CYRIB: variants seen among roughly 807,000 people sequenced by gnomAD.
CYRIB encodes CYFIP-related Rac1 interactor B.
Under a neutral mutation model 44.2 loss-of-function variants are expected in CYRIB, and 8 were observed. That is an observed-to-expected ratio of 0.18 (90% confidence interval 0.11 to 0.33). CYRIB has a LOEUF of 0.33. CYRIB is among the 10% of genes least tolerant of loss of function. The probability of loss-of-function intolerance (pLI) is 1.00; values close to 1 mark genes in which losing one functional copy is unlikely to be tolerated. For synonymous variants in CYRIB, 131 were observed against 127.2 expected (o/e 1.03, Z -0.20); for missense variants, 185 against 382.8 (o/e 0.48, Z 4.31).
intron 1 of CYRIB, among the ~76,000 whole-genome samples, chr8:129,907,404 C>T (rs1179732939): frequency 6.6e-6 from 1 of 151,558 alleles, no homozygotes; most frequent in African/African-American, 2.4e-5. Flanking sequence ...AATGACAACA[C>T]TTGGACACAG....
intron 1 of CYRIB, among the ~76,000 whole-genome samples, chr8:130,008,967 C>A (rs2134324583): frequency 6.6e-6 from 1 of 152,352 alleles, no homozygotes; most frequent in Non-Finnish European, 1.5e-5. Context: ...AGCACTGAGG[C>A]TCTGTAGACC....
At position 129,981,001 on chromosome 8, in the gene CYRIB, C is replaced by T. The variant is rs1236053497; in HGVS notation, c.-295-10006G>A. Among the ~76,000 whole-genome samples the T allele has an allele frequency of 1.3e-5, 2 of 151,544 alleles. 1 individual carries two copies. Among genetic ancestry groups the T allele is most frequent in the South Asian group, 4.2e-4 (2 of 4,798 alleles). The stretch of plus-strand genomic sequence containing the variant: ...ACTATCTCAAAAAAAAAAACACACA[C>T]ACTCACAAGACAAACAACAAAACAA... On this transcript the variant is annotated intron_variant, in intron 1 of 14. Transcript: ENST00000401979.
At chr8:130,007,424 C>A (rs1420737895) in intron 1 of CYRIB, among the ~76,000 whole-genome samples, 1 of 152,244 alleles carries the variant, frequency 6.6e-6, no homozygotes, top group Admixed American at 6.5e-5. Flanking sequence ...GTTTCCTCAT[C>A]TGTAAAACGG....
At chr8:129,877,003 T>C (rs191817993) in intron 3 of CYRIB, among the ~76,000 whole-genome samples, 15 of 152,310 alleles carry the variant, frequency 9.8e-5, no homozygotes. Context: ...ACCCATCTGA[T>C]AGGCCAAGGT....
intron 2 of CYRIB, among the ~76,000 whole-genome samples, chr8:129,887,574 A>G (rs955015733): frequency 3.3e-5 from 5 of 152,172 alleles, no homozygotes; most frequent in Admixed American, 2.6e-4. Flanking sequence ...AACAGCTTGC[A>G]CCATGCACCT....
chr8:129,869,719 C>T (rs1170971236), intron 4 of CYRIB, among the ~76,000 whole-genome samples: 3 of 152,120 alleles, frequency 2.0e-5, no homozygotes, highest in African/African-American at 7.2e-5. Flanking sequence ...ATGCCAAGAC[C>T]AAAGCCCTTG....
At chr8:129,983,472 T>C (rs1355128126) in intron 1 of CYRIB, among the ~76,000 whole-genome samples, 1 of 151,838 alleles carries the variant, frequency 6.6e-6, no homozygotes, top group Non-Finnish European at 1.5e-5. Context: ...AATATATATA[T>C]ATGTATAAAA....
Position 129,879,382 on chromosome 8 carries a change from T to A in CYRIB, c.73+7A>T. ...AAAGAGAAATAGATATAAAATCATC[T>A]TCTCACTTTCAAAATCAAGGAAAAA... is the stretch of plus-strand genomic sequence containing the variant. On this transcript the variant is annotated splice_region_variant and intron_variant, in intron 3 of 11. Coordinates refer to ENST00000519824, the Ensembl canonical transcript of CYRIB. 1.3e-6 allele frequency: 2 copies of A among 1,595,648 alleles called. No individual in the cohort carries two copies. The highest frequency in any genetic ancestry group is 1.3e-5 in the African/African-American group (1 of 74,484).
At chr8:129,903,217 T>A (rs2073263481) in intron 2 of CYRIB, 95 bp downstream of exon 4, 1 of 152,574 alleles carries the variant, frequency 6.6e-6, no homozygotes, top group South Asian at 2.1e-4. Flanking sequence ...TATAGAACAT[T>A]TCCCTTAAAT....
chr8:129,842,285 G>T, intron 11 of CYRIB, 80 bp from the exon 14 acceptor site: 11 of 1,007,514 alleles, frequency 1.1e-5, no homozygotes. Flanking sequence ...ATGACAGGAT[G>T]GAGAATTGGT....
chr8:129,882,764 C>T (rs2061258043), intron 2 of CYRIB, among the ~76,000 whole-genome samples: 1 of 152,122 alleles, frequency 6.6e-6, no homozygotes, highest in African/African-American at 2.4e-5. Flanking sequence ...TCTTTCCAGG[C>T]ACCCGAGGCT....
chr8:129,954,861 T>A (rs570088537), intron 2 of CYRIB, among the ~76,000 whole-genome samples: 4 of 152,342 alleles, frequency 2.6e-5, no homozygotes, highest in African/African-American at 9.6e-5. Context: ...TCTGGTGTGA[T>A]CTTTCAGGGT....
At chr8:129,975,562 C>T (rs2095880889) in intron 1 of CYRIB, among the ~76,000 whole-genome samples, 1 of 152,164 alleles carries the variant, frequency 6.6e-6, no homozygotes, top group Admixed American at 6.5e-5. Flanking sequence ...CTGATAAACG[C>T]CACGGAGCAA....
intron 2 of CYRIB, among the ~76,000 whole-genome samples, chr8:129,970,087 G>A (rs965680624): frequency 6.6e-6 from 1 of 152,222 alleles, no homozygotes; most frequent in African/African-American, 2.4e-5. Flanking sequence ...GATTTGGGTG[G>A]TGATTAGATG....
intron 1 of CYRIB, among the ~76,000 whole-genome samples, chr8:129,915,397 A>T (rs2080202558): frequency 6.6e-6 from 1 of 152,230 alleles, no homozygotes; most frequent in South Asian, 2.1e-4. Context: ...AAGAATATAT[A>T]TTGTATGAGT....
chr8:129,902,977 C>CAT (rs2073120461), intron 2 of CYRIB: 1 of 152,154 alleles, frequency 6.6e-6, no homozygotes. Flanking sequence ...TATATATGTA[C>CAT]ATATATATAC....
upstream of CYRIB, among the ~76,000 whole-genome samples, chr8:129,940,126 C>G (rs1184784934): frequency 1.3e-5 from 2 of 152,196 alleles, no homozygotes; most frequent in Non-Finnish European, 2.9e-5. Context: ...TCCAGCCTTC[C>G]AGATGTACAG....
upstream of CYRIB, among the ~76,000 whole-genome samples, chr8:129,940,831 T>A (rs2093634018): frequency 6.6e-6 from 1 of 152,164 alleles, no homozygotes; most frequent in Non-Finnish European, 1.5e-5. Context: ...CAGTATGGAC[T>A]TTTCCCCCCG....
At chr8:129,899,007 G>A (rs984015227) in intron 2 of CYRIB, among the ~76,000 whole-genome samples, 1 of 152,042 alleles carries the variant, frequency 6.6e-6, no homozygotes, top group Non-Finnish European at 1.5e-5. Flanking sequence ...GGGATTACAG[G>A]CATGTGCCAC....
Sources: allele counts gnomAD v4.1 joint callset (sites outside exome capture counted in the v4.1 genomes callset), GRCh38; gene constraint gnomAD v4.1.1; transcripts MANE v1.5; gene names NCBI Gene and HGNC (gene_info 2026-07-23, HGNC 2026-07-21).